IFT56: variants seen among roughly 807,000 people sequenced by gnomAD.
IFT56 encodes intraflagellar transport 56, also known as intraflagellar transport protein 56.
chr7:139,179,654 T>C, the IFT56 span: 2 of 1,594,692 alleles, frequency 1.3e-6, no homozygotes. Context: ...GTGAGTCTTC[T>C]TTTTTTAAAT....
the IFT56 span, among the ~76,000 whole-genome samples, chr7:139,163,506 G>A: frequency 5.9e-5 from 9 of 152,242 alleles, no homozygotes; most frequent in African/African-American, 1.2e-4. Context: ...GAGTTTATTC[G>A]TATGCTGAGA....
At chr7:139,183,210 C>A in the IFT56 span, among the ~76,000 whole-genome samples, 1 of 150,276 alleles carries the variant, frequency 6.7e-6, no homozygotes, top group Non-Finnish European at 1.5e-5. Context: ...GGGTTAACAT[C>A]AAAGGAAGAT....
At chr7:139,177,968 C>T in the IFT56 span, among the ~76,000 whole-genome samples, 2 of 152,004 alleles carry the variant, frequency 1.3e-5, no homozygotes, top group East Asian at 3.9e-4. Flanking sequence ...AGTTAATGAA[C>T]CTGCAGGGCG....
the IFT56 span, among the ~76,000 whole-genome samples, chr7:139,174,422 C>T: frequency 1.3e-3 from 202 of 152,258 alleles, 2 homozygotes; most frequent in Admixed American, 2.0e-4. Flanking sequence ...CAACAAAGCA[C>T]GCGTGAGGTT....
the IFT56 span, chr7:139,137,752 G>A: frequency 6.9e-5 from 60 of 871,890 alleles, no homozygotes; most frequent in Non-Finnish European, 1.1e-4. Context: ...TACTTAGATT[G>A]CCTGTTGTCA....
At chr7:139,140,849 G>T in the IFT56 span, among the ~76,000 whole-genome samples, 1 of 151,554 alleles carries the variant, frequency 6.6e-6, no homozygotes, top group Non-Finnish European at 1.5e-5. Flanking sequence ...AGAGAAAGTG[G>T]GCACTGTAAT....
chr7:139,189,028 G>T, the IFT56 span, among the ~76,000 whole-genome samples: 2,520 of 152,266 alleles, frequency 0.017, 36 homozygotes, highest in South Asian at 0.031. Flanking sequence ...AATGGGAATA[G>T]TTAGGTCATC....
chr7:139,180,802 A>G, the IFT56 span, among the ~76,000 whole-genome samples: 1 of 152,190 alleles, frequency 6.6e-6, no homozygotes, highest in Non-Finnish European at 1.5e-5. Flanking sequence ...GACGAGTAGG[A>G]TTGAATGAAT....
chr7:139,185,263 A>G, the IFT56 span, among the ~76,000 whole-genome samples: 2 of 151,960 alleles, frequency 1.3e-5, no homozygotes, highest in African/African-American at 2.4e-5. Flanking sequence ...GAATCTACAC[A>G]TAGGATGAAA....
the IFT56 span, among the ~76,000 whole-genome samples, chr7:139,144,741 C>T: frequency 2.7e-3 from 404 of 151,992 alleles, no homozygotes; most frequent in Non-Finnish European, 4.7e-3. Context: ...TTATCTATTT[C>T]GTTCTTAATT....
the IFT56 span, among the ~76,000 whole-genome samples, chr7:139,139,554 T>C: frequency 7.4e-4 from 113 of 152,350 alleles, no homozygotes; most frequent in African/African-American, 2.6e-3. Context: ...ACTGAACGTG[T>C]GAATTTCTTA....
chr7:139,164,067 A>G, the IFT56 span, among the ~76,000 whole-genome samples: 33 of 152,290 alleles, frequency 2.2e-4, 1 homozygote, highest in Middle Eastern at 6.8e-3. Context: ...AACACTTATT[A>G]TCACCTGATA....
the IFT56 span, among the ~76,000 whole-genome samples, chr7:139,167,702 G>A: frequency 1.3e-5 from 2 of 152,120 alleles, no homozygotes; most frequent in Non-Finnish European, 2.9e-5. Flanking sequence ...ACTTTGGGAG[G>A]CCAAGGCAGG....
chr7:139,183,551 A>G, the IFT56 span, among the ~76,000 whole-genome samples: 1 of 152,204 alleles, frequency 6.6e-6, no homozygotes, highest in Non-Finnish European at 1.5e-5. Context: ...TTAAATGTAA[A>G]TGGTCTAAGT....
the IFT56 span, among the ~76,000 whole-genome samples, chr7:139,164,941 A>G: frequency 6.6e-6 from 1 of 152,178 alleles, no homozygotes; most frequent in African/African-American, 2.4e-5. Flanking sequence ...GAGAGAAGGT[A>G]AGAAGCATAG....
chr7:139,174,286 G>A, the IFT56 span: 22 of 567,582 alleles, frequency 3.9e-5, no homozygotes, highest in Admixed American at 2.5e-4. Context: ...ACGGCAGGGC[G>A]TCCCACGGGA....
chr7:139,187,823 A>G, the IFT56 span, among the ~76,000 whole-genome samples: 1 of 151,954 alleles, frequency 6.6e-6, no homozygotes, highest in East Asian at 1.9e-4. Flanking sequence ...AGCAGGATGT[A>G]TATTTGGTTC....
chr7:139,148,433 C>A, the IFT56 span: 1 of 1,501,220 alleles, frequency 6.7e-7, no homozygotes, highest in Non-Finnish European at 9.1e-7. Flanking sequence ...TTACTTTATA[C>A]TTTCCAAGTT....
At chr7:139,178,664 T>C in the IFT56 span, 3 of 1,380,544 alleles carry the variant, frequency 2.2e-6, no homozygotes, top group Middle Eastern at 3.6e-4. Flanking sequence ...TTTTTCTCAC[T>C]GGAATAAAAT....
Sources: allele counts gnomAD v4.1 joint callset (sites outside exome capture counted in the v4.1 genomes callset), GRCh38; gene constraint gnomAD v4.1.1; transcripts MANE v1.5; gene names NCBI Gene and HGNC (gene_info 2026-07-23, HGNC 2026-07-21).